The following CCNI2 variants were observed in gnomAD, a reference collection of about 807,000 sequenced individuals.
The protein encoded by CCNI2 is cyclin-I2.
In CCNI2, 32 loss-of-function variants were observed where a neutral mutation model predicts 33.2. That is an observed-to-expected ratio of 0.96 (90% CI 0.73 to 1.30). The LOEUF is 1.30. Ranked by LOEUF, CCNI2 falls within the 50% of genes most tolerant of loss-of-function variation. The pLI, the probability that CCNI2 is intolerant of heterozygous loss-of-function variation, is 0.00. For missense variants in CCNI2, 452 were observed against 486.2 expected (o/e 0.93, Z 0.66); for synonymous variants, 231 against 219.9 (o/e 1.05, Z -0.45).
At chr5:132,752,592 G>T (rs780460325) in intron 5 of CCNI2, among the ~76,000 whole-genome samples, 32 of 152,152 alleles carry the variant, frequency 2.1e-4, no homozygotes, top group Admixed American at 9.8e-4. Context: ...AGGTACAGGG[G>T]TACCATGAGG....
intron 1 of CCNI2, 54 bp from the exon 2 acceptor site, chr5:132,748,293 C>A (rs201630963): frequency 6.2e-7 from 1 of 1,601,468 alleles, no homozygotes; most frequent in Non-Finnish European, 8.5e-7. Flanking sequence ...TGCTGGGGGA[C>A]CAGGAGTGGC....
rs1191711801 is a variant in CCNI2 at position 132,747,544 on chromosome 5, A to T, written c.49A>T (p.Ser17Cys). The T allele has an allele frequency of 2.0e-6, 3 of 1,504,848 alleles. No individual in the cohort carries two copies. The highest frequency in any genetic ancestry group is 2.6e-6 in the Non-Finnish European group (3 of 1,133,686). The allele number at this position is 1,504,848 out of a possible 1,614,324, so 93.2% of individuals were successfully genotyped here. The stretch of plus-strand genomic sequence containing the variant: ...GCCGCAGCCGTCGAGCTCAGAGGTC[A>T]GCGCCGTCCAGAGCCCAGGCGGGCG... ...LPPQPSSSEVSAVQSPGGRPG... is the reference protein window; with the variant it reads ...LPPQPSSSEVCAVQSPGGRPG... Residue 17 changes from serine (S) to cysteine (C), a missense_variant, in exon 1 of 6, where the codon AGC (serine) becomes TGC (cysteine). Transcript: ENST00000378731. The surrounding 1 kb of genome is among the most constrained non-coding windows in gnomAD (Gnocchi z 4.1).
At chr5:132,748,320 C>A (rs757283135) in intron 1 of CCNI2, 27 bp from the exon 2 acceptor site, 1 of 1,612,716 alleles carries the variant, frequency 6.2e-7, no homozygotes, top group South Asian at 1.1e-5. Flanking sequence ...CGACCTTCCT[C>A]GCCCCACCTG....
chr5:132,753,956 G>GTTTTTTTTTGTTT lies in CCNI2; in HGVS notation c.*995_*996insGTTTTTTTTTTTT, dbSNP rs1755087195. 1.1e-5 allele frequency: 1 copy of GTTTTTTTTTGTTT among 87,182 alleles called. No individual in the cohort carries two copies. Among genetic ancestry groups the GTTTTTTTTTGTTT allele is most frequent in the African/African-American group, 5.1e-5 (1 of 19,680 alleles). 5.4% of individuals were successfully genotyped at this position (87,182 alleles called of 1,614,324 possible). ...GTGAAGTCTTCCACTGTGAACTATGGTTTTTTTTTTTTTTTTTTTTTTTTG... is the reference window on the plus strand; with the variant it reads ...GTGAAGTCTTCCACTGTGAACTATGGTTTTTTTTTGTTTTTTTTTTTTTTTTTTTTTTTTTTTG... On this transcript the variant is annotated 3_prime_UTR_variant, in exon 6 of 6. Transcript: ENST00000378731.
Position 132,752,054 on chromosome 5 carries a change from G to A in CCNI2, c.863G>A (p.Arg288Lys). 1 of 1,610,312 alleles carries A rather than the reference G, an allele frequency of 6.2e-7. No homozygotes were observed. The highest frequency in any genetic ancestry group is 8.5e-7 in the Non-Finnish European group (1 of 1,178,432). ...NPSLHVASLT[R>K]QLQHCMAGHQ... The stretch of plus-strand genomic sequence containing the variant: ...TCCCTCCACGTCGCATCCCTGACCA[G>A]GCAGCTGCAGCACTGTATGGCGGGC... The change falls in exon 5 of 6, where the codon AGG (arginine) becomes AAG (lysine). Residue 288 changes from arginine to lysine, a missense_variant. By Grantham distance (26) the Arg-to-Lys change is conservative (BLOSUM62 2). Coordinates refer to ENST00000378731, the MANE Select transcript of CCNI2 (RefSeq NM_001039780.4).
Position 132,747,797 on chromosome 5 carries a change from C to T in CCNI2, c.302C>T (p.Pro101Leu). ...AVPAAAPEQA[P>L]RPAPQSRKPR... ...CCCGCCGCCGCCCCAGAGCAAGCTC[C>T]GCGGCCGGCTCCACAGTCCCGCAAG... The change falls in exon 1 of 6, where the codon CCG (proline) becomes CTG (leucine). Residue 101 changes from proline (P) to leucine (L), a missense_variant. Coordinates refer to ENST00000378731, the MANE Select transcript of CCNI2 (RefSeq NM_001039780.4). This position sits in a 1 kb window ranked among gnomAD's most constrained non-coding sequence, Gnocchi z 4.1. 1 of 1,478,114 alleles carries T rather than the reference C, an allele frequency of 6.8e-7. No homozygotes were observed. Among genetic ancestry groups the T allele is most frequent in the Non-Finnish European group, 8.9e-7 (1 of 1,122,130 alleles). The allele number at this position is 1,478,114 out of a possible 1,614,324, so 91.6% of individuals were successfully genotyped here.
At chr5:132,751,772 C>G (rs1256917290) in intron 4 of CCNI2, 194 bp from the exon 5 acceptor site, 5 of 640,528 alleles carry the variant, frequency 7.8e-6, no homozygotes, top group Admixed American at 3.1e-5. Context: ...TTTTTGGTCC[C>G]GGAGTGGAAG....
downstream of CCNI2, among the ~76,000 whole-genome samples, chr5:132,755,137 G>C (rs922924769): frequency 6.6e-6 from 1 of 152,136 alleles, no homozygotes; most frequent in East Asian, 1.9e-4. Flanking sequence ...AAGTAGAGCT[G>C]AGCTATGCCT....
downstream of CCNI2, among the ~76,000 whole-genome samples, chr5:132,755,480 G>A (rs570079485): frequency 1.1e-4 from 16 of 152,186 alleles, no homozygotes; most frequent in African/African-American, 2.4e-4. Flanking sequence ...GACTACCAGC[G>A]TTCAAATCTC....
chr5:132,749,325 A>G (rs776265636), intron 2 of CCNI2, 23 bp from the exon 3 acceptor site: 7 of 1,592,024 alleles, frequency 4.4e-6, no homozygotes, highest in East Asian at 4.5e-5. Flanking sequence ...ATTCTGCTCA[A>G]ATGTGTTTGT....
chr5:132,751,844 TGA>T, intron 4 of CCNI2, 120 bp from the exon 5 acceptor site: 1 of 1,203,190 alleles, frequency 8.3e-7, no homozygotes, highest in Non-Finnish European at 1.2e-6. Context: ...TGGATAGGAA[TGA>T]AAAGGGTTGG....
At chr5:132,752,805 T>C in intron 5 of CCNI2, 61 bp from the exon 6 acceptor site, 1 of 1,475,382 alleles carries the variant, frequency 6.8e-7, no homozygotes, top group African/African-American at 1.4e-5. Flanking sequence ...GGCACTCAAT[T>C]GCCAATTTCT....
At chr5:132,748,297 G>C in intron 1 of CCNI2, 50 bp from the exon 2 acceptor site, 3 of 1,582,132 alleles carry the variant, frequency 1.9e-6, no homozygotes, top group African/African-American at 1.3e-5. Context: ...GGGGGACCAG[G>C]AGTGGCCGCT....
At chr5:132,750,278 G>C (rs983778141) in intron 3 of CCNI2, among the ~76,000 whole-genome samples, 1 of 152,108 alleles carries the variant, frequency 6.6e-6, no homozygotes, top group Admixed American at 6.6e-5. Flanking sequence ...TAATGTACTT[G>C]GTACTCAAAT....
chr5:132,753,135 G>C lies in CCNI2; in HGVS notation c.*165G>C. On this transcript the variant is annotated 3_prime_UTR_variant, in exon 6 of 6. Coordinates refer to ENST00000378731, the MANE Select transcript of CCNI2 (RefSeq NM_001039780.4). Reference sequence around the variant, plus strand: ...CTGAGCCCTTGGAAAAAAAATAAAGGGGAGAGGGGAAAGGCAGGCTGAGGT... The same window carrying C: ...CTGAGCCCTTGGAAAAAAAATAAAGCGGAGAGGGGAAAGGCAGGCTGAGGT... The C allele has an allele frequency of 1.6e-6, 1 of 623,396 alleles. No individual in the cohort carries two copies. 38.6% of individuals were successfully genotyped at this position (623,396 alleles called of 1,614,324 possible). A position where few individuals can be genotyped will look rare whatever the true frequency, so the allele number is the denominator to read the frequency against.
At chr5:132,748,098 G>A (rs1377781157) in intron 1 of CCNI2, among the ~76,000 whole-genome samples, 174 bp downstream of exon 1, 1 of 152,202 alleles carries the variant, frequency 6.6e-6, no homozygotes, top group Non-Finnish European at 1.5e-5. Context: ...AGGGCGTCTT[G>A]CTAGCAGGGC....
At position 132,748,330 on chromosome 5, in the gene CCNI2, G is replaced by C. The variant is rs368786299; in HGVS notation, c.430-17G>C. 4 of 1,613,624 alleles carry C rather than the reference G, an allele frequency of 2.5e-6. No individual in the cohort carries two copies. In the South Asian group the frequency reaches 3.3e-5, roughly 13 times the overall value. The stretch of plus-strand genomic sequence containing the variant: ...GCTAGCGACCTTCCTCGCCCCACCT[G>C]CTCTTCTTCCTAGCAGGATGAAATC... On this transcript the variant is annotated splice_polypyrimidine_tract_variant and intron_variant, in intron 1 of 5. Transcript: ENST00000378731.
At chr5:132,748,122 C>T (rs546008882) in intron 1 of CCNI2, among the ~76,000 whole-genome samples, 198 bp downstream of exon 1, 2 of 152,288 alleles carry the variant, frequency 1.3e-5, no homozygotes, top group Admixed American at 1.3e-4. Flanking sequence ...CGGAAGAGGG[C>T]CTGTTTGAAT....
chr5:132,751,167 A>T, intron 4 of CCNI2, 170 bp downstream of exon 4: 1 of 619,982 alleles, frequency 1.6e-6, no homozygotes, highest in Non-Finnish European at 2.6e-6. Context: ...AGGTATCTTA[A>T]ATCCAACACA....
Sources: allele counts gnomAD v4.1 joint callset (sites outside exome capture counted in the v4.1 genomes callset), GRCh38; gene constraint gnomAD v4.1.1; non-coding constraint Gnocchi (gnomAD v3.1); transcripts MANE v1.5; gene names NCBI Gene and HGNC (gene_info 2026-07-23, HGNC 2026-07-21).